The following CTNND2 variants were observed in gnomAD, a reference collection of about 807,000 sequenced individuals.
The protein encoded by CTNND2 is catenin delta-2.
In CTNND2, 22 loss-of-function variants were observed where a neutral mutation model predicts 144.4. That is an observed-to-expected ratio of 0.15 (90% CI 0.11 to 0.22). The LOEUF (loss-of-function observed/expected upper bound fraction) is 0.22, where lower values mean the gene tolerates loss of function less well. Among genes scored for constraint, CTNND2 ranks in the 10% least tolerant of loss-of-function variants. The probability of loss-of-function intolerance (pLI) is 1.00; values close to 1 mark genes in which losing one functional copy is unlikely to be tolerated. For missense variants in CTNND2, 1,353 were observed against 1,618.8 expected, an observed-to-expected ratio of 0.84 and a Z score of 2.82; for synonymous variants, 751 against 695.6, an observed-to-expected ratio of 1.08 and a Z score of -1.25.
chr5:11,060,565 G>C (rs1451275484), intron 16 of CTNND2, among the ~76,000 whole-genome samples: 1 of 152,226 alleles, frequency 6.6e-6, no homozygotes, highest in Non-Finnish European at 1.5e-5. Context: ...AGTCTCAACT[G>C]ATTGGCCTTT....
intron 2 of CTNND2, among the ~76,000 whole-genome samples, chr5:11,662,177 A>ACATATATATGTATATATGTGTATATATG (rs1783267416): frequency 7.6e-6 from 1 of 131,706 alleles, no homozygotes; most frequent in African/African-American, 3.0e-5. Context: ...GTGTATATAT[A>ACATATATATGTATATATGTGTATATATG]CATATATGTG....
chr5:10,978,796 A>C (rs947142552), intron 21 of CTNND2, among the ~76,000 whole-genome samples: 3 of 152,216 alleles, frequency 2.0e-5, no homozygotes, highest in African/African-American at 7.2e-5. Flanking sequence ...TCTGGGAGAA[A>C]GGCTATGGCT....
intron 9 of CTNND2, among the ~76,000 whole-genome samples, chr5:11,292,477 G>T (rs975775451): frequency 6.6e-6 from 1 of 152,206 alleles, no homozygotes; most frequent in Admixed American, 6.5e-5. Context: ...GGCGGGATGT[G>T]GTGGGAGGTA....
intron 7 of CTNND2, among the ~76,000 whole-genome samples, chr5:11,375,356 C>T (rs940601095): frequency 2.0e-5 from 3 of 152,160 alleles, no homozygotes; most frequent in East Asian, 1.9e-4. Context: ...ATTCTCTGTA[C>T]TTATATTTTA....
rs1233262873 is a variant in CTNND2 at position 11,764,629 on chromosome 5, T to C, written c.38-32357A>G. 2.6e-5 allele frequency among the ~76,000 whole-genome samples: 4 copies of C among 152,204 alleles called. No individual in the cohort carries two copies. The East Asian group carries it at 7.7e-4, about 29-fold the overall frequency. On this transcript the variant is annotated intron_variant, in intron 1 of 21. Transcript: ENST00000304623. ...GGGCATGTCATATGGTTCCAACATG[T>C]GACTTTTCCTTTCCCCCTGGAAGCA...
chr5:11,011,292 C>A (rs1303741711), intron 18 of CTNND2, among the ~76,000 whole-genome samples: 1 of 152,190 alleles, frequency 6.6e-6, no homozygotes, highest in Non-Finnish European at 1.5e-5. Flanking sequence ...CTGCTCAATG[C>A]AGCCTCCACC....
At chr5:11,116,597 T>C (rs1428592192) in intron 13 of CTNND2, among the ~76,000 whole-genome samples, 1 of 152,252 alleles carries the variant, frequency 6.6e-6, no homozygotes, top group Non-Finnish European at 1.5e-5. Flanking sequence ...CCCAATTCTA[T>C]TCTGGCTTGT....
intron 1 of CTNND2, among the ~76,000 whole-genome samples, chr5:11,763,384 G>A (rs1581842852): frequency 1.3e-5 from 2 of 152,090 alleles, no homozygotes; most frequent in East Asian, 3.9e-4. Flanking sequence ...AACTACCCAA[G>A]CCCAAGTAAC....
Position 11,364,722 on chromosome 5 carries a change from T to C in CTNND2, c.1346A>G (p.His449Arg). The C allele has an allele frequency of 6.2e-7, 1 of 1,613,490 alleles. No homozygotes were observed. Among genetic ancestry groups the C allele is most frequent in the Non-Finnish European group, 8.5e-7 (1 of 1,179,854 alleles). Residue 449 changes from histidine (H) to arginine (R), a missense_variant, in exon 8 of 22, where the codon CAC becomes CGC. Around this residue, in one of 4 missense-constraint regions of CTNND2, gnomAD observed 708 missense variants for 706.4 expected, o/e 1.00. Transcript: ENST00000304623. ...QSQGDPLPPA[H>R]TGTYRTSTAP... ...TGTGCTCGTGCGGTAGGTGCCGGTG[T>C]GTGCTGGCGGCAGAGGGTCCCCCTG...
At chr5:11,458,273 T>TGCTGG (rs150576040) in intron 3 of CTNND2, among the ~76,000 whole-genome samples, 4,011 of 152,268 alleles carry the variant, frequency 0.026, 174 homozygotes, top group African/African-American at 0.093. Flanking sequence ...CAGGGGAACA[T>TGCTGG]GCTGGGCAAC....
Position 10,992,646 on chromosome 5 carries a change from G to A in CTNND2, c.3116C>T (p.Ser1039Leu). 15 of 1,614,180 alleles carry A rather than the reference G, an allele frequency of 9.3e-6. No homozygotes were observed. The highest frequency in any genetic ancestry group is 1.6e-4 in the Middle Eastern group (1 of 6,062). ...CCGGTCCCTCTCGATGGTTGAAGAC[G>A]AGGCTACAAAGTGGTATTGTGACCA... is the stretch of plus-strand genomic sequence containing the variant. ...DGWSQYHFVA[S>L]SSTIERDRQR... Residue 1039 changes from serine to leucine, a missense_variant, in exon 19 of 22, where the codon TCG (serine) becomes TTG (leucine). By Grantham distance (145) the Ser-to-Leu change is moderately radical. Transcript: ENST00000304623.
At chr5:11,900,366 C>A (rs1192938538) in intron 1 of CTNND2, among the ~76,000 whole-genome samples, 1 of 152,036 alleles carries the variant, frequency 6.6e-6, no homozygotes, top group East Asian at 1.9e-4. Context: ...TGTTATGAGT[C>A]TTAATATTTA....
intron 11 of CTNND2, among the ~76,000 whole-genome samples, chr5:11,186,408 C>A (rs946288447): frequency 6.6e-5 from 10 of 152,192 alleles, no homozygotes; most frequent in African/African-American, 2.4e-4. Context: ...CAGGAAATTT[C>A]TTCTATATCC....
chr5:11,064,533 G>A (rs773179797), intron 16 of CTNND2, among the ~76,000 whole-genome samples: 19 of 151,896 alleles, frequency 1.3e-4, no homozygotes, highest in East Asian at 1.9e-4. Context: ...CATTCCATGC[G>A]CTCCCTCCCC....
chr5:11,369,572 C>T (rs895745221), intron 7 of CTNND2, among the ~76,000 whole-genome samples: 9 of 151,290 alleles, frequency 5.9e-5, no homozygotes, highest in African/African-American at 1.4e-4. Flanking sequence ...CTAGTTAATC[C>T]TATGGATCTA....
chr5:11,251,214 C>A (rs1743614378), intron 9 of CTNND2, among the ~76,000 whole-genome samples: 1 of 152,096 alleles, frequency 6.6e-6, no homozygotes, highest in African/African-American at 2.4e-5. Flanking sequence ...GTTCACAAAC[C>A]TCTTCATGTT....
chr5:11,604,463 C>A (rs920779339), intron 2 of CTNND2, among the ~76,000 whole-genome samples: 1 of 152,206 alleles, frequency 6.6e-6, no homozygotes, highest in Admixed American at 6.5e-5. Context: ...TCATGTCAAG[C>A]CCCGAAGCTG....
At chr5:11,670,481 T>C (rs1783823760) in intron 2 of CTNND2, among the ~76,000 whole-genome samples, 2 of 152,258 alleles carry the variant, frequency 1.3e-5, no homozygotes, top group Non-Finnish European at 1.5e-5. Context: ...TCTTGTTGCA[T>C]TGATCCCTTT....
At chr5:11,874,478 G>C (rs1055512805) in intron 1 of CTNND2, among the ~76,000 whole-genome samples, 12 of 152,098 alleles carry the variant, frequency 7.9e-5, no homozygotes, top group African/African-American at 2.7e-4. Flanking sequence ...CGCTACTCTT[G>C]TGCACTGGAG....
Sources: allele counts gnomAD v4.1 joint callset (sites outside exome capture counted in the v4.1 genomes callset), GRCh38; gene constraint gnomAD v4.1.1; regional missense constraint gnomAD v4.1.1; transcripts MANE v1.5; gene names NCBI Gene and HGNC (gene_info 2026-07-23, HGNC 2026-07-21).